The following PDLIM5 variants were observed in gnomAD, a reference collection of about 807,000 sequenced individuals.
The protein encoded by PDLIM5 is PDZ and LIM domain 5.
Under a neutral mutation model 64.2 loss-of-function variants are expected in PDLIM5, and 34 were observed. The ratio of observed to expected loss-of-function variants is 0.53; its 90% CI spans 0.40 to 0.71. The LOEUF (loss-of-function observed/expected upper bound fraction) is 0.71, where lower values mean the gene tolerates loss of function less well. Ranked by LOEUF, PDLIM5 falls within the 30% of genes least tolerant of loss-of-function variation. The probability of loss-of-function intolerance (pLI) is 0.00; values close to 1 mark genes in which losing one functional copy is unlikely to be tolerated. For synonymous variants in PDLIM5, 253 were observed against 269.1 expected, an observed-to-expected ratio of 0.94 and a Z score of 0.59; for missense variants, 683 against 733.6, an observed-to-expected ratio of 0.93 and a Z score of 0.80.
intron 8 of PDLIM5, among the ~76,000 whole-genome samples, chr4:94,638,066 C>T (rs944563502): frequency 4.6e-5 from 7 of 152,110 alleles, no homozygotes; most frequent in Admixed American, 4.6e-4. Flanking sequence ...GCGTTCTTGG[C>T]AAGAGCTGGT....
At chr4:94,591,317 G>A (rs1288159482) in intron 7 of PDLIM5, among the ~76,000 whole-genome samples, 1 of 152,186 alleles carries the variant, frequency 6.6e-6, no homozygotes, top group Non-Finnish European at 1.5e-5. Flanking sequence ...GTAGTAAGAA[G>A]CAGCAAGTGA....
intron 3 of PDLIM5, among the ~76,000 whole-genome samples, chr4:94,568,223 A>G (rs901455751): frequency 8.5e-5 from 13 of 152,334 alleles, no homozygotes; most frequent in Non-Finnish European, 1.3e-4. Flanking sequence ...TTTTTACTAA[A>G]GTTTTGTTGG....
At chr4:94,601,119 TATC>T (rs1366325522) in intron 7 of PDLIM5, among the ~76,000 whole-genome samples, 6 of 152,160 alleles carry the variant, frequency 3.9e-5, no homozygotes, top group Non-Finnish European at 5.9e-5. Context: ...AGAACAAAAA[TATC>T]ATGGACTGGG....
chr4:94,524,284 G>C (rs1310000470), intron 3 of PDLIM5, among the ~76,000 whole-genome samples: 1 of 149,432 alleles, frequency 6.7e-6, no homozygotes, highest in Non-Finnish European at 1.5e-5. Flanking sequence ...CAGGAGGATT[G>C]CTTGAGCCCA....
chr4:94,473,285 G>C (rs765468052), intron 2 of PDLIM5, among the ~76,000 whole-genome samples: 1 of 151,986 alleles, frequency 6.6e-6, no homozygotes, highest in Non-Finnish European at 1.5e-5. Context: ...TTTTTGAGAC[G>C]GAGTTTCACT....
chr4:94,555,710 C>T (rs1444142587), intron 3 of PDLIM5, among the ~76,000 whole-genome samples: 2 of 151,688 alleles, frequency 1.3e-5, no homozygotes, highest in African/African-American at 2.4e-5. Context: ...ACATGGATAT[C>T]GTGTGCCAAT....
At chr4:94,492,809 T>C (rs75687975) in intron 2 of PDLIM5, among the ~76,000 whole-genome samples, 365 of 152,318 alleles carry the variant, frequency 2.4e-3, no homozygotes, top group African/African-American at 8.4e-3. Context: ...TTTTTTGCTA[T>C]TGTGAATCCT....
chr4:94,495,530 C>T (rs980221084), intron 2 of PDLIM5, among the ~76,000 whole-genome samples: 2 of 151,870 alleles, frequency 1.3e-5, no homozygotes, highest in African/African-American at 2.4e-5. Context: ...AAGGTTTGGC[C>T]GCTTTGAAGA....
intron 3 of PDLIM5, among the ~76,000 whole-genome samples, chr4:94,561,140 G>T (rs1445513335): frequency 1.3e-5 from 2 of 152,098 alleles, no homozygotes; most frequent in Non-Finnish European, 2.9e-5. Context: ...GTTACAAATA[G>T]TATACTCCTG....
intron 3 of PDLIM5, among the ~76,000 whole-genome samples, chr4:94,556,938 T>G (rs183425076): frequency 3.1e-4 from 47 of 152,344 alleles, no homozygotes; most frequent in Admixed American, 3.0e-3. Context: ...TTTTGGCTTT[T>G]GTTGCCATTG....
At chr4:94,538,693 C>T (rs1731522927) in intron 3 of PDLIM5, among the ~76,000 whole-genome samples, 1 of 152,218 alleles carries the variant, frequency 6.6e-6, no homozygotes, top group African/African-American at 2.4e-5. Flanking sequence ...TTAAAGAAAC[C>T]AGCATGTTTT....
At chr4:94,643,590 T>C (rs1409333328) in intron 9 of PDLIM5, among the ~76,000 whole-genome samples, 1 of 152,182 alleles carries the variant, frequency 6.6e-6, no homozygotes, top group African/African-American at 2.4e-5. Context: ...GAACTATTTA[T>C]GTTTAGCTTG....
intron 7 of PDLIM5, among the ~76,000 whole-genome samples, chr4:94,595,357 A>T (rs1736987415): frequency 6.6e-6 from 1 of 152,174 alleles, no homozygotes; most frequent in African/African-American, 2.4e-5. Context: ...TAGTAGAAAA[A>T]CAATTCAAAC....
intron 4 of PDLIM5, 42 bp downstream of exon 4, chr4:94,573,435 C>T: frequency 7.0e-7 from 1 of 1,427,482 alleles, no homozygotes. Flanking sequence ...CTTGATTGTC[C>T]TTGCTGAGCT....
At chr4:94,552,792 A>G (rs1578360518) in intron 3 of PDLIM5, among the ~76,000 whole-genome samples, 1 of 152,180 alleles carries the variant, frequency 6.6e-6, no homozygotes, top group Non-Finnish European at 1.5e-5. Flanking sequence ...GAAATTGATT[A>G]AAAAAGAGTG....
intron 3 of PDLIM5, among the ~76,000 whole-genome samples, chr4:94,535,186 A>G (rs545096213): frequency 6.6e-6 from 1 of 152,248 alleles, no homozygotes; most frequent in South Asian, 2.1e-4. Flanking sequence ...AGCAGGAGAA[A>G]TTAGAGAAGT....
rs868540695 is a variant in PDLIM5, at chr4:94,557,513, C to T, written c.249-15838C>T. ...ACCTTGGGCAGTATGGCCATTTTCA[C>T]GATATTGATTCTTCCTATCCATGAG... On this transcript the variant is annotated intron_variant, in intron 3 of 12. Coordinates refer to ENST00000317968, the MANE Select transcript of PDLIM5 (RefSeq NM_006457.5). Among the ~76,000 whole-genome samples, 28 of 152,098 alleles carry T rather than the reference C, an allele frequency of 1.8e-4. 1 individual carries two copies. Among genetic ancestry groups the T allele is most frequent in the Middle Eastern group, 3.2e-3 (1 of 316 alleles).
At chr4:94,651,095 T>C (rs1741811046) in intron 9 of PDLIM5, among the ~76,000 whole-genome samples, 1 of 152,236 alleles carries the variant, frequency 6.6e-6, no homozygotes, top group African/African-American at 2.4e-5. Flanking sequence ...GTGTTAATCC[T>C]GTGTTAATGA....
intron 2 of PDLIM5, among the ~76,000 whole-genome samples, chr4:94,473,028 G>T (rs186153246): frequency 1.6e-4 from 25 of 152,252 alleles, no homozygotes; most frequent in Middle Eastern, 3.4e-3. Flanking sequence ...AAGAGGTATA[G>T]GGAAAGAGTG....
Sources: gnomAD v4.1 joint callset for allele counts (sites outside exome capture counted in the v4.1 genomes callset) on GRCh38, gnomAD v4.1.1 for gene constraint, MANE v1.5 for transcripts, NCBI Gene and HGNC (gene_info 2026-07-23, HGNC 2026-07-21) for gene names.